The following SLC9C1 variants were observed in gnomAD, a reference collection of about 807,000 sequenced individuals.
SLC9C1 encodes solute carrier family 9 member C1, also known as sodium/hydrogen exchanger 10.
SLC9C1 carries 97 observed loss-of-function variants against 140.9 expected under a neutral mutation model. The observed-to-expected ratio is 0.69, with a 90% CI of 0.58 to 0.82. The LOEUF is 0.82. SLC9C1 is among the 40% of genes least tolerant of loss of function. The pLI is 0.00. For missense variants in SLC9C1, 1,340 were observed against 1,389.3 expected (o/e 0.96, Z 0.56); for synonymous variants, 440 against 442.6 (o/e 0.99, Z 0.07).
chr3:112,152,028 C>T (rs780699668), intron 27 of SLC9C1, 65 bp from the exon 28 acceptor site: 108 of 1,276,954 alleles, frequency 8.5e-5, no homozygotes, highest in Non-Finnish European at 9.8e-5. Context: ...CCTGCCCCTC[C>T]ACACCTGTGG....
intron 20 of SLC9C1, among the ~76,000 whole-genome samples, chr3:112,195,467 AACTT>A (rs1447957207): frequency 7.2e-5 from 11 of 152,208 alleles, no homozygotes; most frequent in Admixed American, 2.0e-4. Context: ...GATAAGAAGG[AACTT>A]ACTTCTGTCA....
Position 112,185,455 on chromosome 3 carries a change from G to A in SLC9C1, c.2524-3197C>T, listed in dbSNP as rs1163214984. 2.5e-6 allele frequency: 4 copies of A among 1,589,102 alleles called. No individual in the cohort carries two copies. The African/African-American group carries it at 5.4e-5, about 21-fold the overall frequency. On this transcript the variant is annotated intron_variant, in intron 20 of 28. Coordinates refer to ENST00000305815, the MANE Select transcript of SLC9C1 (RefSeq NM_183061.3). ...CTCAGCCCAGCCCCTCTATGAAACA[G>A]TTTTTTCCAGCGTGGGGCGCAGAGT... is the stretch of plus-strand genomic sequence containing the variant.
intron 26 of SLC9C1, among the ~76,000 whole-genome samples, chr3:112,163,433 A>C (rs1268021688): frequency 6.8e-6 from 1 of 148,086 alleles, no homozygotes; most frequent in African/African-American, 2.5e-5. Flanking sequence ...CCCTCTACAC[A>C]CTGCTTTGAA....
intron 13 of SLC9C1, among the ~76,000 whole-genome samples, chr3:112,224,296 C>G (rs780448407): frequency 2.0e-5 from 3 of 152,136 alleles, no homozygotes; most frequent in Admixed American, 6.6e-5. Context: ...AACTGACACC[C>G]TGGGACATAT....
At chr3:112,244,846 G>A (rs1156265455) in intron 10 of SLC9C1, among the ~76,000 whole-genome samples, 1 of 152,120 alleles carries the variant, frequency 6.6e-6, no homozygotes, top group Non-Finnish European at 1.5e-5. Context: ...AATCATAAGG[G>A]AAACTTTAAG....
At chr3:112,245,904 AG>A (rs953181216) in intron 10 of SLC9C1, among the ~76,000 whole-genome samples, 1 of 152,178 alleles carries the variant, frequency 6.6e-6, no homozygotes, top group Non-Finnish European at 1.5e-5. Flanking sequence ...TATTTTGGAA[AG>A]AAGCCTCTAA....
Position 112,239,843 on chromosome 3 carries a change from G to T in SLC9C1, c.1443C>A (p.Tyr481Ter). 3.1e-6 allele frequency: 5 copies of T among 1,609,780 alleles called. No individual in the cohort carries two copies. Among genetic ancestry groups the T allele is most frequent in the Non-Finnish European group, 4.2e-6 (5 of 1,178,378 alleles). Residue 481 changes from tyrosine (Y) to a stop codon, truncating the protein, a stop_gained, in exon 12 of 29, where the codon TAC (tyrosine) becomes TAA (stop). Transcript: ENST00000305815. LOFTEE classifies it high-confidence loss of function. ...IEKAITLENP[Y>*]MLNEEETTEH... ...AAAAAAGATATTACTTGCTTACCAT[G>T]TATGGGTTTTCAAGTGTAATTGCTT...
intron 10 of SLC9C1, among the ~76,000 whole-genome samples, chr3:112,253,797 A>C (rs1119339): frequency 0.3 from 45,025 of 152,070 alleles, 7,224 homozygotes; most frequent in East Asian, 0.43. Context: ...GACAACAGAA[A>C]TAGAATTCAG....
At chr3:112,178,330 A>T (rs1407566307) in intron 23 of SLC9C1, among the ~76,000 whole-genome samples, 1 of 151,536 alleles carries the variant, frequency 6.6e-6, no homozygotes, top group Non-Finnish European at 1.5e-5. Context: ...TTTTGCAGAT[A>T]TGTTGCAGGC....
intron 12 of SLC9C1, among the ~76,000 whole-genome samples, chr3:112,234,393 G>A (rs1388843328): frequency 6.6e-6 from 1 of 151,852 alleles, no homozygotes; most frequent in East Asian, 2.0e-4. Flanking sequence ...TGTCAGATGC[G>A]TAGATTGCAA....
intron 20 of SLC9C1, among the ~76,000 whole-genome samples, chr3:112,195,779 T>C (rs1404256296): frequency 6.6e-6 from 1 of 152,114 alleles, no homozygotes; most frequent in Non-Finnish European, 1.5e-5. Context: ...GCTGTTGATA[T>C]CACAGTATTA....
intron 16 of SLC9C1, among the ~76,000 whole-genome samples, chr3:112,205,102 A>T (rs112544036): frequency 0.2 from 30,482 of 152,006 alleles, 3,413 homozygotes; most frequent in Middle Eastern, 0.26. Flanking sequence ...GGAAAAAAGG[A>T]AGTCAATTTG....
chr3:112,218,371 G>A (rs367692542), intron 14 of SLC9C1, among the ~76,000 whole-genome samples: 17 of 152,004 alleles, frequency 1.1e-4, no homozygotes, highest in African/African-American at 4.1e-4. Context: ...GAAGGGCATT[G>A]GAAACCCAAG....
chr3:112,166,112 G>A (rs576360823), intron 26 of SLC9C1, among the ~76,000 whole-genome samples: 27 of 152,286 alleles, frequency 1.8e-4, no homozygotes, highest in South Asian at 2.1e-4. Flanking sequence ...TGCTAAGATC[G>A]TTGGAAAAGC....
chr3:112,237,882 C>T (rs1255216852), intron 12 of SLC9C1, among the ~76,000 whole-genome samples: 1 of 152,104 alleles, frequency 6.6e-6, no homozygotes, highest in African/African-American at 2.4e-5. Flanking sequence ...CTCTGGCTGC[C>T]CTTAACATTT....
At position 112,231,359 on chromosome 3, in the gene SLC9C1, A is replaced by G. The variant is rs1336608101; in HGVS notation, c.1572+2T>C. On this transcript the variant is annotated splice_donor_variant, in intron 13 of 28. Coordinates refer to ENST00000305815, the MANE Select transcript of SLC9C1 (RefSeq NM_183061.3). LOFTEE classifies it high-confidence loss of function. ...TAATTTCAAAAGAGAATAATACAGT[A>G]CTATTTGTGCTGACAAGAGACGCCT... The G allele has an allele frequency of 5.6e-6, 9 of 1,613,026 alleles. No individual in the cohort carries two copies. Among genetic ancestry groups the G allele is most frequent in the Non-Finnish European group, 7.6e-6 (9 of 1,179,500 alleles).
chr3:112,247,533 G>C (rs1263035566), intron 10 of SLC9C1, among the ~76,000 whole-genome samples: 1 of 152,148 alleles, frequency 6.6e-6, no homozygotes, highest in African/African-American at 2.4e-5. Context: ...CCATAGGGGA[G>C]TGTCCCTACT....
At chr3:112,198,905 A>G (rs1381601658) in intron 20 of SLC9C1, among the ~76,000 whole-genome samples, 1 of 151,944 alleles carries the variant, frequency 6.6e-6, no homozygotes, top group Non-Finnish European at 1.5e-5. Context: ...TATATGTCAT[A>G]GTACCATTTA....
intron 17 of SLC9C1, among the ~76,000 whole-genome samples, chr3:112,203,325 A>G (rs1022774841): frequency 6.6e-6 from 1 of 151,990 alleles, no homozygotes; most frequent in African/African-American, 2.4e-5. Flanking sequence ...ATACCTTCCT[A>G]TCAGAATTAA....
Sources: allele counts gnomAD v4.1 joint callset (sites outside exome capture counted in the v4.1 genomes callset), GRCh38; gene constraint gnomAD v4.1.1; transcripts MANE v1.5; gene names NCBI Gene and HGNC (gene_info 2026-07-23, HGNC 2026-07-21).